ZNF835: variants seen among roughly 807,000 people sequenced by gnomAD.
ZNF835 encodes the protein zinc finger protein 835.
For synonymous variants in ZNF835, 323 were observed against 324.7 expected (o/e 0.99, Z 0.06); for missense variants, 783 against 758.4 (o/e 1.03, Z -0.38).
intron 1 of ZNF835, among the ~76,000 whole-genome samples, chr19:56,670,836 C>A (rs10084151): frequency 6.6e-6 from 1 of 152,034 alleles, no homozygotes; most frequent in East Asian, 1.9e-4. Flanking sequence ...GCCTACACGG[C>A]GGCACACCCA....
At position 56,668,875 on chromosome 19, in the gene ZNF835, G is replaced by A. The variant is rs751699791; in HGVS notation, c.-48+2701C>T. Among the ~76,000 whole-genome samples, 81 of 152,192 alleles carry A rather than the reference G, an allele frequency of 5.3e-4. 1 individual carries two copies. Among genetic ancestry groups the A allele is most frequent in the Non-Finnish European group, 1.1e-3 (73 of 67,994 alleles). ...AGGTGCCACGTCCACCGGCATCCCCGGAGTGTGCAGGGGTACCCACCTCGT... is the reference window on the plus strand; with the variant it reads ...AGGTGCCACGTCCACCGGCATCCCCAGAGTGTGCAGGGGTACCCACCTCGT... On this transcript the variant is annotated intron_variant, in intron 1 of 1. Transcript: ENST00000537055.
chr19:56,664,927 T>C lies in ZNF835; in HGVS notation c.272A>G (p.Lys91Arg), dbSNP rs2148054597. 3.1e-6 allele frequency: 5 copies of C among 1,613,996 alleles called. No individual in the cohort carries two copies. Among genetic ancestry groups the C allele is most frequent in the Middle Eastern group, 1.6e-4 (1 of 6,062 alleles). ...CTGGCGGCTGTCAGGATGCCTCTCC[T>C]TCGGGCTCTCCCCAGGCGCGCTGCA... Reference protein sequence around the residue: ...RRCSAPGESPKERHPDSRQRE... With the variant: ...RRCSAPGESPRERHPDSRQRE... Residue 91 changes from lysine to arginine, a missense_variant, in exon 2 of 2, where the codon AAG becomes AGG. Coordinates refer to ENST00000537055, the MANE Select transcript of ZNF835 (RefSeq NM_001005850.3).
Position 56,664,638 on chromosome 19 carries a change from CGT to C in ZNF835, c.559_560del (p.Thr187AlafsTer60), listed in dbSNP as rs2045226739. On this transcript the variant is annotated frameshift_variant, in exon 2 of 2. Coordinates refer to ENST00000537055, the MANE Select transcript of ZNF835 (RefSeq NM_001005850.3). LOFTEE classifies it low-confidence loss of function (END_TRUNC). ...QGSYLASHWR[T>X]HTGEKPHRCA... The stretch of plus-strand genomic sequence containing the variant: ...AGCGGTGCGGCTTCTCGCCCGTGTG[CGT>C]GCGCCAGTGGGACGCCAGGTACGAG... The C allele has an allele frequency of 6.2e-7, 1 of 1,607,180 alleles. No homozygotes were observed. Among genetic ancestry groups the C allele is most frequent in the African/African-American group, 1.3e-5 (1 of 74,538 alleles).
chr19:56,664,369 G>A lies in ZNF835; in HGVS notation c.830C>T (p.Pro277Leu), dbSNP rs142435728. ...CTTGGCGCACTGGCCGCAGCGGTAG[G>A]GCTTCTCCTCCGTGTGGATGCGCTG... ...RHQRIHTEEK[P>L]YRCGQCAKAF... is the part of the protein sequence containing the mutation. Residue 277 changes from proline (P) to leucine (L), a missense_variant, in exon 2 of 2, where the codon CCC becomes CTC. Pro to Leu is a moderately conservative substitution (Grantham distance 98, BLOSUM62 -3). Coordinates refer to ENST00000537055, the MANE Select transcript of ZNF835 (RefSeq NM_001005850.3). 1.6e-3 allele frequency: 2,511 copies of A among 1,610,036 alleles called. 38 individuals are homozygous for A. The African/African-American group carries it at 0.028, about 18-fold the overall frequency.
At chr19:56,665,296 G>T in intron 1 of ZNF835, 51 bp from the exon 2 acceptor site, 1 of 1,526,132 alleles carries the variant, frequency 6.6e-7, no homozygotes, top group Non-Finnish European at 8.9e-7. Flanking sequence ...CTTGTCCTGA[G>T]CTGGAAAAAT....
intron 1 of ZNF835, 90 bp from the exon 2 acceptor site, chr19:56,665,335 G>T: frequency 8.4e-7 from 1 of 1,189,658 alleles, no homozygotes; most frequent in East Asian, 2.3e-5. Context: ...TAAGAACTTA[G>T]CATGGGGTCC....
Position 56,663,823 on chromosome 19 carries a change from G to C in ZNF835, c.1376C>G (p.Ser459Cys). The C allele has an allele frequency of 6.2e-7, 1 of 1,614,040 alleles. No individual in the cohort carries two copies. Among genetic ancestry groups the C allele is most frequent in the African/African-American group, 1.3e-5 (1 of 75,064 alleles). Residue 459 changes from serine (S) to cysteine (C), a missense_variant, in exon 2 of 2, where the codon TCC becomes TGC. Ser to Cys is a moderately radical substitution (Grantham distance 112). Coordinates refer to ENST00000537055, the MANE Select transcript of ZNF835 (RefSeq NM_001005850.3). ...PECGKAFSNRSYLIQHHIVHT... is the reference protein window; with the variant it reads ...PECGKAFSNRCYLIQHHIVHT... ...CACGATGTGGTGCTGGATCAGGTAG[G>C]AGCGGTTGCTGAAGGCCTTGCCGCA... is the stretch of plus-strand genomic sequence containing the variant.
At position 56,665,226 on chromosome 19, in the gene ZNF835, C is replaced by T; in HGVS notation, c.-28G>A. On this transcript the variant is annotated 5_prime_UTR_variant, in exon 2 of 2. Coordinates refer to ENST00000537055, the MANE Select transcript of ZNF835 (RefSeq NM_001005850.3). ...TCGATCCCTGGGCTGCTGTCTTGATCTCACATCTTTTCTCTGGGTCTGAAA... is the reference window on the plus strand; with the variant it reads ...TCGATCCCTGGGCTGCTGTCTTGATTTCACATCTTTTCTCTGGGTCTGAAA... 6.2e-7 allele frequency: 1 copy of T among 1,612,278 alleles called. No individual in the cohort carries two copies. The highest frequency in any genetic ancestry group is 8.5e-7 in the Non-Finnish European group (1 of 1,179,582).
At chr19:56,665,490 A>T (rs750224780) in intron 1 of ZNF835, 3 of 654,482 alleles carry the variant, frequency 4.6e-6, no homozygotes, top group South Asian at 4.1e-5. Flanking sequence ...GAGTTGTAAC[A>T]ATGAAAAATG....
chr19:56,671,478 G>A (rs75043642), intron 1 of ZNF835, 98 bp downstream of exon 1: 4,828 of 152,262 alleles, frequency 0.032, 105 homozygotes, highest in East Asian at 0.053. Context: ...CACCTATACG[G>A]GCTGACACCG....
At chr19:56,667,990 G>T (rs772614525) in intron 1 of ZNF835, among the ~76,000 whole-genome samples, 8 of 151,738 alleles carry the variant, frequency 5.3e-5, no homozygotes, top group Admixed American at 1.3e-4. Flanking sequence ...TTGTTTTTTT[G>T]TTTGTTTGTT....
At chr19:56,665,454 G>A (rs1446904911) in intron 1 of ZNF835, 2 of 716,762 alleles carry the variant, frequency 2.8e-6, no homozygotes, top group Admixed American at 3.5e-5. Context: ...CACACTGGCT[G>A]CCAGGGACAC....
intron 1 of ZNF835, among the ~76,000 whole-genome samples, chr19:56,665,995 GC>G (rs2045241848): frequency 6.6e-6 from 1 of 151,358 alleles, no homozygotes; most frequent in Non-Finnish European, 1.5e-5. Context: ...ACTGAATTGT[GC>G]CCCCTCAAAA....
rs765133357 is a variant in ZNF835, at chr19:56,664,632, C to A, written c.567G>T (p.Thr189=). ...CGGCGCAGCGGTGCGGCTTCTCGCC[C>A]GTGTGCGTGCGCCAGTGGGACGCCA... is the stretch of plus-strand genomic sequence containing the variant. ...SYLASHWRTH[T]GEKPHRCADC... is the part of the protein sequence containing the mutation. The change falls in exon 2 of 2, where the codon ACG becomes ACT. Residue 189 remains threonine (T), a synonymous_variant. Transcript: ENST00000537055. 1.2e-6 allele frequency: 2 copies of A among 1,606,708 alleles called. No homozygotes were observed. Among genetic ancestry groups the A allele is most frequent in the Non-Finnish European group, 1.7e-6 (2 of 1,176,964 alleles).
chr19:56,664,656 C>G lies in ZNF835; in HGVS notation c.543G>C (p.Leu181=). The change falls in exon 2 of 2, where the codon CTG becomes CTC. Residue 181 remains leucine (L), a synonymous_variant. Transcript: ENST00000537055. ...CGKAFSQGSY[L]ASHWRTHTGE... is the part of the protein sequence containing the mutation. Reference sequence around the variant, plus strand: ...CCGTGTGCGTGCGCCAGTGGGACGCCAGGTACGAGCCCTGGCTGAAGGCCT... The same window carrying G: ...CCGTGTGCGTGCGCCAGTGGGACGCGAGGTACGAGCCCTGGCTGAAGGCCT... 1 of 1,610,354 alleles carries G rather than the reference C, an allele frequency of 6.2e-7. No individual in the cohort carries two copies.
At chr19:56,670,237 G>A (rs946445319) in intron 1 of ZNF835, among the ~76,000 whole-genome samples, 2 of 152,134 alleles carry the variant, frequency 1.3e-5, no homozygotes, top group Non-Finnish European at 2.9e-5. Context: ...TGTCACTCAG[G>A]AAATTCCAAG....
intron 1 of ZNF835, among the ~76,000 whole-genome samples, chr19:56,669,477 C>T (rs2045272344): frequency 6.6e-6 from 1 of 152,110 alleles, no homozygotes; most frequent in Non-Finnish European, 1.5e-5. Context: ...GGCTAGCTCC[C>T]GTGGCAACCA....
intron 1 of ZNF835, among the ~76,000 whole-genome samples, chr19:56,668,760 G>A (rs1289525063): frequency 6.6e-6 from 1 of 152,026 alleles, no homozygotes; most frequent in Non-Finnish European, 1.5e-5. Context: ...AGGCAGGGGA[G>A]ATGCGGTAGA....
rs1339394071 is a variant in ZNF835 at position 56,662,819 on chromosome 19, G to C, written c.*766C>G. 1 of 152,256 alleles carries C rather than the reference G, an allele frequency of 6.6e-6. No individual in the cohort carries two copies. The highest frequency in any genetic ancestry group is 2.4e-5 in the African/African-American group (1 of 41,442). The allele number at this position is 152,256 out of a possible 1,614,324, so 9.4% of individuals were successfully genotyped here. On this transcript the variant is annotated 3_prime_UTR_variant, in exon 2 of 2. Transcript: ENST00000537055. ...GCAGGCAGATCGCCTGATGTTAGGA[G>C]TTCGAGACAGCCTGGCCAACATGGT... is the stretch of plus-strand genomic sequence containing the variant.
Sources: allele counts gnomAD v4.1 joint callset (sites outside exome capture counted in the v4.1 genomes callset), GRCh38; gene constraint gnomAD v4.1.1; transcripts MANE v1.5; gene names NCBI Gene and HGNC (gene_info 2026-07-23, HGNC 2026-07-21).